NRG1: variants seen among roughly 807,000 people sequenced by gnomAD.
NRG1 encodes pro-neuregulin-1, membrane-bound isoform.
In NRG1, 18 loss-of-function variants were observed where a neutral mutation model predicts 63.8. The observed-to-expected ratio is 0.28, with a 90% CI of 0.19 to 0.42. The LOEUF (loss-of-function observed/expected upper bound fraction) is 0.42, where lower values mean the gene tolerates loss of function less well. Ranked by LOEUF, NRG1 falls within the 10% of genes least tolerant of loss-of-function variation. NRG1 has a pLI of 1.00. For missense variants in NRG1, 762 were observed against 814.7 expected, an observed-to-expected ratio of 0.94 and a Z score of 0.79; for synonymous variants, 302 against 301.3, an observed-to-expected ratio of 1.00 and a Z score of -0.02.
At chr8:32,305,698 AG>A (rs1225140173) in intron 1 of NRG1, among the ~76,000 whole-genome samples, 1 of 152,200 alleles carries the variant, frequency 6.6e-6, no homozygotes, top group Non-Finnish European at 1.5e-5. Context: ...ACCTTTTTGT[AG>A]GGACAAGCTT....
chr8:32,046,274 C>T (rs1329582270), intron 1 of NRG1, among the ~76,000 whole-genome samples: 1 of 150,700 alleles, frequency 6.6e-6, no homozygotes, highest in Non-Finnish European at 1.5e-5. Context: ...AAAAAGAAAA[C>T]AAAACGAAAG....
At chr8:31,853,128 T>G (rs1168609363) in intron 1 of NRG1, among the ~76,000 whole-genome samples, 1 of 152,144 alleles carries the variant, frequency 6.6e-6, no homozygotes, top group African/African-American at 2.4e-5. Flanking sequence ...TTTAAAGTAG[T>G]TTTTTTCAAT....
chr8:32,253,366 T>C (rs974390873), intron 1 of NRG1, among the ~76,000 whole-genome samples: 4 of 152,188 alleles, frequency 2.6e-5, no homozygotes, highest in Admixed American at 6.5e-5. Flanking sequence ...ATACATTCCA[T>C]CAATAGGTAG....
chr8:32,537,219 A>AAAAAAAAAAAAAAAAAAC (rs1178008610), intron 1 of NRG1, among the ~76,000 whole-genome samples: 1 of 149,308 alleles, frequency 6.7e-6, no homozygotes, highest in Non-Finnish European at 1.5e-5. Flanking sequence ...AAAAAAAAAA[A>AAAAAAAAAAAAAAAAAAC]AGAATTCTGT....
intron 1 of NRG1, among the ~76,000 whole-genome samples, chr8:32,209,626 A>G (rs1692264420): frequency 6.6e-6 from 1 of 152,230 alleles, no homozygotes; most frequent in Non-Finnish European, 1.5e-5. Flanking sequence ...TCTGAAAAAT[A>G]AAATGTATTT....
intron 1 of NRG1, among the ~76,000 whole-genome samples, chr8:32,438,376 T>G (rs1819053254): frequency 6.6e-6 from 1 of 152,200 alleles, no homozygotes. Context: ...TAGTAGTTCA[T>G]TCTTTGTTAT....
intron 1 of NRG1, among the ~76,000 whole-genome samples, chr8:32,558,754 T>A (rs1247106491): frequency 6.6e-6 from 1 of 152,144 alleles, no homozygotes; most frequent in African/African-American, 2.4e-5. Flanking sequence ...GATGGCATAG[T>A]TGCTGAGTAA....
intron 5 of NRG1, among the ~76,000 whole-genome samples, chr8:32,650,655 CAAAAAAA>C (rs59103241): frequency 8.6e-5 from 5 of 57,822 alleles, no homozygotes; most frequent in Admixed American, 2.8e-4. Flanking sequence ...TAATGGAAAG[CAAAAAAA>C]AAAAAAAAAA....
exon 12 of NRG1, chr8:32,766,869 T>C (rs6992642): frequency 0.38 from 57,520 of 151,990 alleles, 11,196 homozygotes; most frequent in Middle Eastern, 0.45. Context: ...CAGGGGTATC[T>C]CTGTGATGCT....
At chr8:32,076,720 T>A (rs1225161509) in intron 1 of NRG1, among the ~76,000 whole-genome samples, 9 of 147,790 alleles carry the variant, frequency 6.1e-5, no homozygotes, top group African/African-American at 7.4e-5. Flanking sequence ...TGAACTTAAG[T>A]AAAAAAAAAA....
At chr8:32,563,046 G>C (rs1836744499) in intron 1 of NRG1, among the ~76,000 whole-genome samples, 1 of 152,144 alleles carries the variant, frequency 6.6e-6, no homozygotes, top group African/African-American at 2.4e-5. Context: ...TGGCCCATGG[G>C]CTTCATGCAT....
intron 1 of NRG1, among the ~76,000 whole-genome samples, chr8:31,805,848 A>G (rs944970982): frequency 1.9e-4 from 27 of 145,548 alleles, no homozygotes; most frequent in Non-Finnish European, 4.1e-4. Flanking sequence ...AAAAAAAAAG[A>G]TGAAGCGAAT....
At chr8:32,528,947 C>T (rs529391535) in intron 1 of NRG1, among the ~76,000 whole-genome samples, 4 of 152,280 alleles carry the variant, frequency 2.6e-5, no homozygotes, top group South Asian at 2.1e-4. Context: ...AATTTGACAA[C>T]GATAGCTTTA....
intron 1 of NRG1, among the ~76,000 whole-genome samples, chr8:31,800,417 T>C (rs1821646880): frequency 6.6e-6 from 1 of 152,160 alleles, no homozygotes; most frequent in Non-Finnish European, 1.5e-5. Flanking sequence ...CCGTAGTAAG[T>C]TGTACGTGCT....
At chr8:32,182,360 C>T (rs1282787131) in intron 1 of NRG1, among the ~76,000 whole-genome samples, 1 of 152,182 alleles carries the variant, frequency 6.6e-6, no homozygotes, top group Non-Finnish European at 1.5e-5. Context: ...AACTCTCCTG[C>T]ATCAGCCTCC....
At chr8:32,620,629 T>C (rs1360242599) in intron 5 of NRG1, among the ~76,000 whole-genome samples, 1 of 151,428 alleles carries the variant, frequency 6.6e-6, no homozygotes, top group African/African-American at 2.4e-5. Context: ...TCGAGACTAG[T>C]CTGGGCAACA....
chr8:32,257,921 A>G (rs923905247), intron 1 of NRG1, among the ~76,000 whole-genome samples: 7 of 152,226 alleles, frequency 4.6e-5, no homozygotes, highest in African/African-American at 1.7e-4. Context: ...TAACATATAA[A>G]ACCATGACCA....
chr8:32,760,256 T>G, exon 11 of NRG1: 2 of 1,614,100 alleles, frequency 1.2e-6, no homozygotes, highest in Non-Finnish European at 1.7e-6. Context: ...GTAATCGTGA[T>G]GTCATCCGTA....
At chr8:32,348,701 G>C (rs1441681688) in intron 1 of NRG1, among the ~76,000 whole-genome samples, 3 of 152,142 alleles carry the variant, frequency 2.0e-5, no homozygotes, top group Non-Finnish European at 4.4e-5. Context: ...CCACATAGTA[G>C]GTGAAATAGG....
Sources: gnomAD v4.1 joint callset for allele counts (sites outside exome capture counted in the v4.1 genomes callset) on GRCh38, gnomAD v4.1.1 for gene constraint, MANE v1.5 for transcripts, NCBI Gene and HGNC (gene_info 2026-07-23, HGNC 2026-07-21) for gene names.